The following B4GALNT2 variants were observed in gnomAD, a reference collection of about 807,000 sequenced individuals.
The protein encoded by B4GALNT2 is N-acetylneuraminylgalactosylglucosyl-glucoside beta-1,4-N- acetylgalactosaminyltransferase 2.
In B4GALNT2, 42 loss-of-function variants were observed where a neutral mutation model predicts 51.1. That is an observed-to-expected ratio of 0.82 (90% CI 0.64 to 1.06). The LOEUF is 1.06. B4GALNT2 is among the 50% of genes least tolerant of loss of function. The pLI, the probability that B4GALNT2 is intolerant of heterozygous loss-of-function variation, is 0.00. For synonymous variants in B4GALNT2, 253 were observed against 251.7 expected, an observed-to-expected ratio of 1.01 and a Z score of -0.05; for missense variants, 602 against 633.6, an observed-to-expected ratio of 0.95 and a Z score of 0.54.
In B4GALNT2 at chr17:49,175,064, A is replaced by G. The variant is rs767627947; in HGVS notation, c.*5336A>G. On this transcript the variant is annotated 3_prime_UTR_variant, in exon 11 of 11. Coordinates refer to ENST00000393354, the MANE Select transcript of B4GALNT2 (RefSeq NM_001159387.2). ...CATCGGGCCCCTCACAATGCAAAATATAATTACTTTGATATACTTCAGGGG... is the reference window on the plus strand; with the variant it reads ...CATCGGGCCCCTCACAATGCAAAATGTAATTACTTTGATATACTTCAGGGG... The G allele has an allele frequency of 4.6e-5, 7 of 152,194 alleles. No individual in the cohort carries two copies. The highest frequency in any genetic ancestry group is 7.4e-5 in the Non-Finnish European group (5 of 68,026). The allele number at this position is 152,194 out of a possible 1,614,324, so 9.4% of individuals were successfully genotyped here.
At chr17:49,157,469 C>T (rs2042822204) in intron 5 of B4GALNT2, among the ~76,000 whole-genome samples, 1 of 151,186 alleles carries the variant, frequency 6.6e-6, no homozygotes, top group African/African-American at 2.4e-5. Context: ...TACAGGCATG[C>T]ACCACTACAC....
chr17:49,159,482 C>T (rs562155234), intron 6 of B4GALNT2, among the ~76,000 whole-genome samples: 76 of 152,306 alleles, frequency 5.0e-4, no homozygotes, highest in African/African-American at 1.7e-3. Context: ...GCTGGGATTA[C>T]AGGCACCTGC....
the B4GALNT2 span, among the ~76,000 whole-genome samples, chr17:49,124,598 G>A: frequency 1.3e-5 from 2 of 152,096 alleles, no homozygotes; most frequent in Admixed American, 1.3e-4. Flanking sequence ...TACAAATATA[G>A]TCCAAAGAAA....
intron 9 of B4GALNT2, among the ~76,000 whole-genome samples, chr17:49,167,970 C>A (rs1299245055): frequency 6.6e-6 from 1 of 152,148 alleles, no homozygotes; most frequent in Non-Finnish European, 1.5e-5. Context: ...TTATTCCACA[C>A]CGTATGCCTG....
intron 4 of B4GALNT2, among the ~76,000 whole-genome samples, chr17:49,154,250 G>A (rs112877015): frequency 6.6e-5 from 10 of 150,782 alleles, no homozygotes; most frequent in East Asian, 2.0e-4. Flanking sequence ...ATCCACCTGC[G>A]TTGGCCTCCC....
intron 6 of B4GALNT2, 88 bp from the exon 7 acceptor site, chr17:49,160,467 C>T (rs2144327395): frequency 8.1e-7 from 1 of 1,233,378 alleles, no homozygotes; most frequent in Middle Eastern, 1.9e-4. Context: ...CAAACCTGTA[C>T]TCGCCTGTCA....
At chr17:49,158,991 T>A in intron 5 of B4GALNT2, 46 bp from the exon 6 acceptor site, 1 of 1,587,178 alleles carries the variant, frequency 6.3e-7, no homozygotes, top group Non-Finnish European at 8.6e-7. Flanking sequence ...CAGGGAGATA[T>A]TTTCCAATCC....
At position 49,170,802 on chromosome 17, in the gene B4GALNT2, C is replaced by T. The variant is rs2042952938; in HGVS notation, c.*1074C>T. The T allele has an allele frequency of 6.6e-6, 1 of 152,266 alleles. No homozygotes were observed. The highest frequency in any genetic ancestry group is 1.5e-5 in the Non-Finnish European group (1 of 68,086). The allele number at this position is 152,266 out of a possible 1,614,324, so 9.4% of individuals were successfully genotyped here. A position where few individuals can be genotyped will look rare whatever the true frequency, so the allele number is the denominator to read the frequency against. Reference sequence around the variant, plus strand: ...GGAGTTTGACCCACATATTTATTGACAGCAAGCCAGTGATAAGCATTGTTT... The same window carrying T: ...GGAGTTTGACCCACATATTTATTGATAGCAAGCCAGTGATAAGCATTGTTT... On this transcript the variant is annotated 3_prime_UTR_variant, in exon 11 of 11. Coordinates refer to ENST00000393354, the MANE Select transcript of B4GALNT2 (RefSeq NM_001159387.2).
Position 49,175,770 on chromosome 17 carries a change from TC to T in B4GALNT2, c.*6043del, listed in dbSNP as rs2042983427. 1 of 152,162 alleles carries T rather than the reference TC, an allele frequency of 6.6e-6. No homozygotes were observed. Among genetic ancestry groups the T allele is most frequent in the Non-Finnish European group, 1.5e-5 (1 of 68,040 alleles). 9.4% of individuals were successfully genotyped at this position (152,162 alleles called of 1,614,324 possible). A position where few individuals can be genotyped will look rare whatever the true frequency, so the allele number is the denominator to read the frequency against. Reference sequence around the variant, plus strand: ...CCTGCCTGAATAGAACTGAGAGCAGTCACTCGAGGCACTGCTAGAACAGTCA... The same window carrying T: ...CCTGCCTGAATAGAACTGAGAGCAGTACTCGAGGCACTGCTAGAACAGTCA... On this transcript the variant is annotated 3_prime_UTR_variant, in exon 11 of 11. Coordinates refer to ENST00000393354, the MANE Select transcript of B4GALNT2 (RefSeq NM_001159387.2).
the B4GALNT2 span, among the ~76,000 whole-genome samples, chr17:49,126,506 A>AAC: frequency 6.1e-4 from 92 of 151,024 alleles, 2 homozygotes; most frequent in African/African-American, 2.1e-3. Context: ...TAAAAAAAAA[A>AAC]AAAAAACAAA....
chr17:49,169,869 A>G lies in B4GALNT2; in HGVS notation c.*141A>G. 1 of 790,112 alleles carries G rather than the reference A, an allele frequency of 1.3e-6. No homozygotes were observed. Among genetic ancestry groups the G allele is most frequent in the Non-Finnish European group, 1.9e-6 (1 of 523,434 alleles). The allele number at this position is 790,112 out of a possible 1,614,324, so 48.9% of individuals were successfully genotyped here. On this transcript the variant is annotated 3_prime_UTR_variant, in exon 11 of 11. Transcript: ENST00000393354. The stretch of plus-strand genomic sequence containing the variant: ...AAAAGGGAAATGGCTCAGTTACTGG[A>G]AGTACCAATCAAAGGTGAAGGGTCA...
At chr17:49,122,772 A>T in the B4GALNT2 span, among the ~76,000 whole-genome samples, 1 of 152,202 alleles carries the variant, frequency 6.6e-6, no homozygotes, top group Non-Finnish European at 1.5e-5. Flanking sequence ...TTTTCCTGCT[A>T]TGAGGATAAT....
the B4GALNT2 span, among the ~76,000 whole-genome samples, chr17:49,122,070 G>A: frequency 0.2 from 30,554 of 152,006 alleles, 3,360 homozygotes; most frequent in East Asian, 0.5. Context: ...AATTTATTGC[G>A]GGTTGGAGTG....
In B4GALNT2 at chr17:49,150,122, C is replaced by G. The variant is rs545182266; in HGVS notation, c.354-2678C>G. 5.0e-4 allele frequency among the ~76,000 whole-genome samples: 74 copies of G among 148,870 alleles called. No homozygotes were observed. In the East Asian group the frequency reaches 0.014, roughly 29 times the overall value. Reference sequence around the variant, plus strand: ...GCCGCCCCGTCCAGGAGGTGAGGGGCGCCTCTGCCCGGCCGCCCCTACTGG... The same window carrying G: ...GCCGCCCCGTCCAGGAGGTGAGGGGGGCCTCTGCCCGGCCGCCCCTACTGG... On this transcript the variant is annotated intron_variant, in intron 3 of 10. Coordinates refer to ENST00000393354, the MANE Select transcript of B4GALNT2 (RefSeq NM_001159387.2).
intron 4 of B4GALNT2, among the ~76,000 whole-genome samples, chr17:49,155,990 G>A (rs2042806567): frequency 6.6e-6 from 1 of 152,052 alleles, no homozygotes; most frequent in Admixed American, 6.6e-5. Context: ...GCCTCCCAAA[G>A]CACTGAGATT....
rs1403809892 is a variant in B4GALNT2, at chr17:49,172,102, T to C, written c.*2374T>C. On this transcript the variant is annotated 3_prime_UTR_variant, in exon 11 of 11. Transcript: ENST00000393354. ...TTAAATTACTCATTGTGACTGGTTG[T>C]CCCACTTTCCTCAGGTTTTCTTCCA... 6.5e-6 allele frequency: 2 copies of C among 306,178 alleles called. No individual in the cohort carries two copies. The highest frequency in any genetic ancestry group is 1.2e-5 in the Non-Finnish European group (2 of 168,174). The allele number at this position is 306,178 out of a possible 1,614,324, so 19.0% of individuals were successfully genotyped here. A position where few individuals can be genotyped will look rare whatever the true frequency, so the allele number is the denominator to read the frequency against.
chr17:49,134,898 A>T (rs1175198507), intron 1 of B4GALNT2, among the ~76,000 whole-genome samples: 2 of 152,016 alleles, frequency 1.3e-5, no homozygotes, highest in African/African-American at 4.8e-5. Flanking sequence ...GCCTGATACT[A>T]TATATTATTG....
upstream of B4GALNT2, chr17:49,132,682 ACCTGC>A: frequency 3.1e-6 from 4 of 1,301,232 alleles, no homozygotes; most frequent in Middle Eastern, 1.1e-3. Flanking sequence ...AGCGTCCTGC[ACCTGC>A]CCTACTCGCC....
At position 49,170,995 on chromosome 17, in the gene B4GALNT2, C is replaced by A. The variant is rs2042954046; in HGVS notation, c.*1267C>A. ...GGAATGCTTTAAGCGGTTTTCCACC[C>A]TGGGTGGGCCAGGTGTTCCTTGCCC... On this transcript the variant is annotated 3_prime_UTR_variant, in exon 11 of 11. Coordinates refer to ENST00000393354, the MANE Select transcript of B4GALNT2 (RefSeq NM_001159387.2). 6.4e-6 allele frequency: 1 copy of A among 155,088 alleles called. No individual in the cohort carries two copies. The highest frequency in any genetic ancestry group is 2.4e-5 in the African/African-American group (1 of 41,462). The allele number at this position is 155,088 out of a possible 1,614,324, so 9.6% of individuals were successfully genotyped here.
Sources: allele counts gnomAD v4.1 joint callset (sites outside exome capture counted in the v4.1 genomes callset), GRCh38; gene constraint gnomAD v4.1.1; transcripts MANE v1.5; gene names NCBI Gene and HGNC (gene_info 2026-07-23, HGNC 2026-07-21).